The following ZBTB20 variants were observed in gnomAD, a reference collection of about 807,000 sequenced individuals.
ZBTB20 encodes zinc finger and BTB domain containing 20.
A neutral mutation model predicts 56.9 loss-of-function variants in ZBTB20; 9 were observed. That is an observed-to-expected ratio of 0.16 (90% CI 0.10 to 0.28). ZBTB20 has a LOEUF of 0.28. Ranked by LOEUF, ZBTB20 falls within the 10% of genes least tolerant of loss-of-function variation. The pLI is 1.00. For synonymous variants in ZBTB20, 417 were observed against 420.7 expected, an observed-to-expected ratio of 0.99 and a Z score of 0.11; for missense variants, 655 against 1,003.0, an observed-to-expected ratio of 0.65 and a Z score of 4.69.
chr3:114,610,497 T>C (rs566074147), intron 6 of ZBTB20, among the ~76,000 whole-genome samples: 11 of 152,324 alleles, frequency 7.2e-5, no homozygotes, highest in South Asian at 2.1e-4. Flanking sequence ...ACAGACAGGT[T>C]TGACAAGCAG....
intron 1 of ZBTB20, among the ~76,000 whole-genome samples, chr3:115,080,245 C>T (rs112179039): frequency 0.03 from 4,559 of 152,164 alleles, 80 homozygotes; most frequent in South Asian, 0.039. Context: ...AGAACTCAAC[C>T]GTGCTGGCAC....
intron 7 of ZBTB20, among the ~76,000 whole-genome samples, chr3:114,420,988 C>T (rs2089111754): frequency 1.3e-5 from 2 of 152,056 alleles, no homozygotes; most frequent in African/African-American, 2.4e-5. Context: ...TAAACCATAC[C>T]ATCATTTGCT....
intron 2 of ZBTB20, among the ~76,000 whole-genome samples, chr3:115,062,746 A>ATGAG (rs2082056176): frequency 6.6e-6 from 1 of 152,128 alleles, no homozygotes; most frequent in East Asian, 1.9e-4. Flanking sequence ...ATTTTTGTAA[A>ATGAG]CCACAACAAA....
intron 6 of ZBTB20, among the ~76,000 whole-genome samples, chr3:114,525,898 T>C (rs574066363): frequency 6.6e-6 from 1 of 152,276 alleles, no homozygotes; most frequent in East Asian, 1.9e-4. Context: ...AACCCCTATG[T>C]CCACTACACA....
chr3:114,588,644 C>T (rs759061470), intron 6 of ZBTB20, among the ~76,000 whole-genome samples: 2 of 151,980 alleles, frequency 1.3e-5, no homozygotes, highest in Non-Finnish European at 2.9e-5. Flanking sequence ...CCTAAGATCC[C>T]AGGGCAAAAA....
At chr3:114,985,761 T>TTC (rs2078513733) in intron 2 of ZBTB20, among the ~76,000 whole-genome samples, 1 of 152,084 alleles carries the variant, frequency 6.6e-6, no homozygotes, top group African/African-American at 2.4e-5. Context: ...ATATCCTGAC[T>TTC]ATACCTAGCC....
intron 5 of ZBTB20, among the ~76,000 whole-genome samples, chr3:114,747,363 C>T (rs533523596): frequency 1.3e-5 from 2 of 152,054 alleles, no homozygotes; most frequent in East Asian, 1.9e-4. Flanking sequence ...GTCAGGAGCT[C>T]GAGACCAGCC....
At chr3:115,133,884 G>A (rs1363115644) in intron 1 of ZBTB20, among the ~76,000 whole-genome samples, 4 of 152,148 alleles carry the variant, frequency 2.6e-5, no homozygotes, top group South Asian at 2.1e-4. Context: ...CTTCTCTTGA[G>A]TATATACCTC....
chr3:114,978,047 T>C (rs1482748628), intron 2 of ZBTB20, among the ~76,000 whole-genome samples: 1 of 147,740 alleles, frequency 6.8e-6, no homozygotes, highest in Non-Finnish European at 1.5e-5. Context: ...GCAGAAAACA[T>C]CTTTAACAAA....
intron 2 of ZBTB20, among the ~76,000 whole-genome samples, chr3:115,048,594 A>G (rs566044410): frequency 6.6e-6 from 1 of 152,324 alleles, no homozygotes; most frequent in South Asian, 2.1e-4. Flanking sequence ...AATTATTACT[A>G]TGTACATTTG....
intron 6 of ZBTB20, among the ~76,000 whole-genome samples, chr3:114,594,268 T>C (rs893200482): frequency 8.7e-6 from 1 of 114,764 alleles, no homozygotes; most frequent in African/African-American, 3.5e-5. Context: ...CTCATATTCT[T>C]TTTTTTTTTT....
intron 7 of ZBTB20, among the ~76,000 whole-genome samples, chr3:114,426,535 G>A (rs1157170712): frequency 3.4e-5 from 5 of 148,616 alleles, no homozygotes; most frequent in East Asian, 4.1e-4. Context: ...GTCAGCATCC[G>A]GTGCCACTAA....
At chr3:114,528,572 T>C (rs2047492301) in intron 6 of ZBTB20, 1 of 152,182 alleles carries the variant, frequency 6.6e-6, no homozygotes. Context: ...CGATAAAATA[T>C]CATGGTTATT....
intron 6 of ZBTB20, among the ~76,000 whole-genome samples, chr3:114,596,718 G>A (rs556887242): frequency 5.9e-5 from 9 of 152,202 alleles, no homozygotes; most frequent in African/African-American, 1.9e-4. Context: ...CTGAGAGAGA[G>A]GAAGAGCAAG....
intron 4 of ZBTB20, among the ~76,000 whole-genome samples, chr3:114,863,667 G>C (rs1368607439): frequency 1.3e-5 from 2 of 152,044 alleles, no homozygotes; most frequent in Non-Finnish European, 2.9e-5. Flanking sequence ...AGCTTGTTGA[G>C]GGGTATACAT....
At chr3:114,995,043 C>G (rs2078969046) in intron 2 of ZBTB20, among the ~76,000 whole-genome samples, 1 of 151,726 alleles carries the variant, frequency 6.6e-6, no homozygotes, top group Non-Finnish European at 1.5e-5. Flanking sequence ...CAAAACTGCA[C>G]CGAATGTTCA....
intron 6 of ZBTB20, among the ~76,000 whole-genome samples, chr3:114,636,239 T>G (rs1256845117): frequency 6.6e-6 from 1 of 152,100 alleles, no homozygotes; most frequent in Non-Finnish European, 1.5e-5. Flanking sequence ...TAGACAAACA[T>G]GCAGAGGGGT....
intron 7 of ZBTB20, among the ~76,000 whole-genome samples, chr3:114,414,246 T>C (rs114863160): frequency 6.6e-6 from 1 of 152,272 alleles, no homozygotes; most frequent in African/African-American, 2.4e-5. Context: ...TAAACTCAGG[T>C]ACTACAATAG....
chr3:115,091,698 C>T (rs2083198929), intron 1 of ZBTB20, among the ~76,000 whole-genome samples: 1 of 149,578 alleles, frequency 6.7e-6, no homozygotes, highest in Non-Finnish European at 1.5e-5. Flanking sequence ...ATATAACACA[C>T]ACATATATAT....
Sources: gnomAD v4.1 joint callset for allele counts (sites outside exome capture counted in the v4.1 genomes callset) on GRCh38, gnomAD v4.1.1 for gene constraint, MANE v1.5 for transcripts, NCBI Gene and HGNC (gene_info 2026-07-23, HGNC 2026-07-21) for gene names.